The following ECE1 variants were observed in gnomAD, a reference collection of about 807,000 sequenced individuals.
ECE1 encodes the protein endothelin converting enzyme 1.
A neutral mutation model predicts 98.6 loss-of-function variants in ECE1; 35 were observed. The ratio of observed to expected loss-of-function variants is 0.35; its 90% CI spans 0.27 to 0.47. ECE1 has a LOEUF of 0.47. Among genes scored for constraint, ECE1 ranks in the 20% least tolerant of loss-of-function variants. The pLI is 1.00. For missense variants in ECE1, 814 were observed against 1,025.3 expected (o/e 0.79, Z 2.81); for synonymous variants, 394 against 407.1 (o/e 0.97, Z 0.39).
At chr1:21,278,657 T>C (rs1372342871) in intron 3 of ECE1, among the ~76,000 whole-genome samples, 3 of 152,212 alleles carry the variant, frequency 2.0e-5, no homozygotes, top group Non-Finnish European at 4.4e-5. Context: ...AGATTGCATC[T>C]GAAGCGAGGG....
intron 17 of ECE1, among the ~76,000 whole-genome samples, chr1:21,222,549 G>C (rs1344106089): frequency 6.6e-6 from 1 of 152,126 alleles, no homozygotes; most frequent in African/African-American, 2.4e-5. Flanking sequence ...CAGCATGAAA[G>C]CAGCCACATG....
chr1:21,275,208 G>C (rs1172033631), intron 3 of ECE1, among the ~76,000 whole-genome samples: 1 of 152,208 alleles, frequency 6.6e-6, no homozygotes, highest in Non-Finnish European at 1.5e-5. Context: ...GTGTGTGAGA[G>C]AGAGACAGAC....
At chr1:21,245,236 G>A (rs972102452) in intron 9 of ECE1, 133 bp from the exon 10 acceptor site, 9 of 746,392 alleles carry the variant, frequency 1.2e-5, no homozygotes, top group Middle Eastern at 3.5e-4. Context: ...GCGGGGGCTT[G>A]GTGGGTTACT....
intron 1 of ECE1, among the ~76,000 whole-genome samples, chr1:21,320,787 G>A (rs947864615): frequency 4.6e-5 from 7 of 152,226 alleles, no homozygotes; most frequent in African/African-American, 1.7e-4. Flanking sequence ...TTCTGCGGAG[G>A]GTTCCTGAGG....
intron 17 of ECE1, among the ~76,000 whole-genome samples, chr1:21,224,912 G>C (rs1041058759): frequency 6.6e-6 from 1 of 152,116 alleles, no homozygotes; most frequent in African/African-American, 2.4e-5. Context: ...TAGTCCTCAG[G>C]GGCCTCCCAG....
Position 21,279,584 on chromosome 1 carries a change from G to A in ECE1, c.139-252C>T. On this transcript the variant is annotated intron_variant, in intron 2 of 18. Transcript: ENST00000374893. ...GGCCCCGACAGGCTTGTTTTTTTGT[G>A]TCACTCGATATGAGTGGAAGGAAAA... The A allele has an allele frequency of 2.8e-6, 4 of 1,439,088 alleles. No homozygotes were observed. The South Asian group carries it at 6.0e-5, about 22-fold the overall frequency. The allele number at this position is 1,439,088 out of a possible 1,614,324, so 89.1% of individuals were successfully genotyped here.
intron 13 of ECE1, among the ~76,000 whole-genome samples, chr1:21,234,427 C>T (rs953561498): frequency 6.7e-6 from 1 of 150,278 alleles, no homozygotes; most frequent in Non-Finnish European, 1.5e-5. Flanking sequence ...TCTATCTGAA[C>T]TGTCAAGGGC....
intron 12 of ECE1, 78 bp downstream of exon 12, chr1:21,236,668 C>T (rs1380910415): frequency 7.3e-7 from 1 of 1,372,982 alleles, no homozygotes; most frequent in Non-Finnish European, 1.0e-6. Flanking sequence ...AACAAAAAAA[C>T]CGGCCTCTCC....
At chr1:21,314,829 C>T (rs1638798740) in intron 1 of ECE1, among the ~76,000 whole-genome samples, 1 of 152,226 alleles carries the variant, frequency 6.6e-6, no homozygotes, top group Non-Finnish European at 1.5e-5. Flanking sequence ...TTTTTGTAAA[C>T]AACACTGTGC....
At chr1:21,285,809 T>C (rs2098259940) in intron 2 of ECE1, among the ~76,000 whole-genome samples, 1 of 150,602 alleles carries the variant, frequency 6.6e-6, no homozygotes, top group Admixed American at 6.6e-5. Context: ...CTGGCCAACA[T>C]GGTAAAACTC....
In ECE1 at chr1:21,235,839, C is replaced by G; in HGVS notation, c.1566+11G>C. The stretch of plus-strand genomic sequence containing the variant: ...TTAGGAACGCAAGGGGGCAGGGCAG[C>G]AGCTACTCACGTCATTAAACACTTT... On this transcript the variant is annotated intron_variant, in intron 13 of 18. Transcript: ENST00000374893. The surrounding 1 kb of genome is among the most constrained non-coding windows in gnomAD (Gnocchi z 4.2). The G allele has an allele frequency of 6.2e-7, 1 of 1,614,060 alleles. No homozygotes were observed. The highest frequency in any genetic ancestry group is 8.5e-7 in the Non-Finnish European group (1 of 1,179,878).
intron 1 of ECE1, among the ~76,000 whole-genome samples, chr1:21,342,740 G>T (rs1279956074): frequency 2.0e-5 from 3 of 152,110 alleles, no homozygotes; most frequent in East Asian, 3.9e-4. Context: ...TAAAAGCCGC[G>T]GAGCAGGAGA....
chr1:21,298,704 T>C, intron 1 of ECE1: 4 of 455,094 alleles, frequency 8.8e-6, no homozygotes, highest in South Asian at 6.2e-5. Flanking sequence ...CATCAGTAAC[T>C]CACCCTAAGT....
At chr1:21,336,711 C>T (rs1006720289) in intron 1 of ECE1, among the ~76,000 whole-genome samples, 16 of 151,648 alleles carry the variant, frequency 1.1e-4, no homozygotes, top group South Asian at 2.1e-4. Context: ...AGCGTGGTGG[C>T]GGGCACCTGT....
rs112041733 is a variant in ECE1 at position 21,272,698 on chromosome 1, C to G, written c.493+1G>C. On this transcript the variant is annotated splice_donor_variant, in intron 4 of 18. Transcript: ENST00000374893. LOFTEE classifies it high-confidence loss of function. ...TATTGGTCTCCATGCTGGATGCTTA[C>G]CGAGGAGGTGCTTGATGATTGCTTG... 6.2e-7 allele frequency: 1 copy of G among 1,614,210 alleles called. No individual in the cohort carries two copies. The highest frequency in any genetic ancestry group is 2.2e-5 in the East Asian group (1 of 44,886).
At position 21,278,222 on chromosome 1, in the gene ECE1, C is replaced by CTAA. The variant is rs1558408355; in HGVS notation, c.280+968_280+969insTTA. On this transcript the variant is annotated intron_variant, in intron 3 of 18. Transcript: ENST00000374893. Reference sequence around the variant, plus strand: ...GAGAGGCCCTGGCTTTGGCTAATTCCCCATTCTTATTTCTAACTTGGATCC... The same window carrying CTAA: ...GAGAGGCCCTGGCTTTGGCTAATTCCTAACCATTCTTATTTCTAACTTGGATCC... 2.0e-5 allele frequency among the ~76,000 whole-genome samples: 3 copies of CTAA among 152,200 alleles called. No individual in the cohort carries two copies. In the South Asian group the frequency reaches 6.2e-4, roughly 32 times the overall value.
At chr1:21,298,610 C>T in intron 1 of ECE1, 1 of 395,030 alleles carries the variant, frequency 2.5e-6, no homozygotes, top group Admixed American at 2.7e-5. Context: ...CCAGAGAAGA[C>T]CCGTGGTGTG....
At position 21,345,450 on chromosome 1, in the gene ECE1, T is replaced by TTCCCG. The variant is rs1639480794; in HGVS notation, c.-73_-72insCGGGA. Reference sequence around the variant, plus strand: ...TCCCGATTCCCAGCTCCGGGTTCCCTGCTCCCAGCCCAGCTGCTCGGACGG... The same window carrying TTCCCG: ...TCCCGATTCCCAGCTCCGGGTTCCCTTCCCGGCTCCCAGCCCAGCTGCTCGGACGG... On this transcript the variant is annotated 5_prime_UTR_variant, in exon 1 of 19. Transcript: ENST00000415912. This position sits in a 1 kb window ranked among gnomAD's most constrained non-coding sequence, Gnocchi z 5.1. 3 of 1,260,248 alleles carry TTCCCG rather than the reference T, an allele frequency of 2.4e-6. No homozygotes were observed. The African/African-American group carries it at 4.6e-5, about 19-fold the overall frequency. The allele number at this position is 1,260,248 out of a possible 1,614,324, so 78.1% of individuals were successfully genotyped here. A position where few individuals can be genotyped will look rare whatever the true frequency, so the allele number is the denominator to read the frequency against.
rs558388068 is a variant in ECE1, at chr1:21,239,136, C to T, written c.1279-892G>A. Among the ~76,000 whole-genome samples the T allele has an allele frequency of 3.9e-5, 6 of 152,140 alleles. No homozygotes were observed. The East Asian group carries it at 9.7e-4, about 25-fold the overall frequency. ...GCGTGAGCCACCACACCTGGCTCACCGCGGGATTGCAATGCCTTGATTCTT... is the reference window on the plus strand; with the variant it reads ...GCGTGAGCCACCACACCTGGCTCACTGCGGGATTGCAATGCCTTGATTCTT... On this transcript the variant is annotated intron_variant, in intron 10 of 18. Coordinates refer to ENST00000374893, the MANE Select transcript of ECE1 (RefSeq NM_001397.3).
Sources: gnomAD v4.1 joint callset for allele counts (sites outside exome capture counted in the v4.1 genomes callset) on GRCh38, gnomAD v4.1.1 for gene constraint, Gnocchi (gnomAD v3.1) non-coding constraint, MANE v1.5 for transcripts, NCBI Gene and HGNC (gene_info 2026-07-23, HGNC 2026-07-21) for gene names.